Variants in GALNT13 observed in about 807,000 individuals in gnomAD.
GALNT13 encodes the protein UDP-GalNAc:polypeptide N-acetylgalactosaminyltransferase 13.
GALNT13 carries 28 observed loss-of-function variants against 64.2 expected under a neutral mutation model. The observed-to-expected ratio is 0.44, with a 90% CI of 0.32 to 0.60. The LOEUF is 0.60. GALNT13 is among the 20% of genes least tolerant of loss of function. The pLI is 0.05. For missense variants in GALNT13, 577 were observed against 669.8 expected (o/e 0.86, Z 1.53); for synonymous variants, 214 against 224.6 (o/e 0.95, Z 0.42).
intron 8 of GALNT13, among the ~76,000 whole-genome samples, chr2:154,289,100 C>G (rs924118012): frequency 5.3e-5 from 8 of 152,212 alleles, no homozygotes; most frequent in African/African-American, 1.4e-4. Context: ...TCCCAAACCT[C>G]AATTCTGGAC....
chr2:153,331,805 A>T, the GALNT13 span, among the ~76,000 whole-genome samples: 1 of 152,176 alleles, frequency 6.6e-6, no homozygotes, highest in Non-Finnish European at 1.5e-5. Context: ...ATTGACACTC[A>T]GTATTAAACA....
chr2:154,284,869 A>G (rs1052559436), intron 8 of GALNT13, among the ~76,000 whole-genome samples: 2 of 152,120 alleles, frequency 1.3e-5, no homozygotes, highest in African/African-American at 2.4e-5. Context: ...GATTCGGAGA[A>G]TAACTGTGAA....
At chr2:153,564,594 G>GT in the GALNT13 span, among the ~76,000 whole-genome samples, 21,544 of 141,914 alleles carry the variant, frequency 0.15, 2,314 homozygotes, top group African/African-American at 0.31. Context: ...ATGAGGATTA[G>GT]TTTTTTTTTT....
chr2:154,001,700 A>G (rs1695921142), intron 3 of GALNT13, among the ~76,000 whole-genome samples: 1 of 152,058 alleles, frequency 6.6e-6, no homozygotes, highest in African/African-American at 2.4e-5. Flanking sequence ...GTAGTGGTTT[A>G]CAGGCCACAA....
the GALNT13 span, among the ~76,000 whole-genome samples, chr2:153,403,241 G>T: frequency 0.04 from 5,993 of 150,522 alleles, 277 homozygotes; most frequent in South Asian, 0.18. Flanking sequence ...AGGCTGCTCG[G>T]GGGTCAGGGG....
At chr2:153,154,392 G>GT in the GALNT13 span, among the ~76,000 whole-genome samples, 1 of 152,094 alleles carries the variant, frequency 6.6e-6, no homozygotes, top group Non-Finnish European at 1.5e-5. Flanking sequence ...AGTCCATTAA[G>GT]TCTCTTTTTC....
the GALNT13 span, among the ~76,000 whole-genome samples, chr2:153,450,391 A>T: frequency 1.3e-5 from 2 of 152,182 alleles, no homozygotes; most frequent in African/African-American, 4.8e-5. Context: ...TGAATGAAAA[A>T]AAAATGATTG....
the GALNT13 span, among the ~76,000 whole-genome samples, chr2:153,243,776 AT>A: frequency 4.6e-5 from 7 of 151,052 alleles, no homozygotes; most frequent in African/African-American, 1.2e-4. Flanking sequence ...GGATTATTTC[AT>A]TTTTTTTTCA....
At chr2:153,828,888 ACTT>A in the GALNT13 span, among the ~76,000 whole-genome samples, 1 of 152,144 alleles carries the variant, frequency 6.6e-6, no homozygotes, top group Non-Finnish European at 1.5e-5. Context: ...CTGCTCAGAA[ACTT>A]CTTCTGCCAG....
At chr2:154,350,424 A>G (rs546198228) in intron 9 of GALNT13, among the ~76,000 whole-genome samples, 3 of 152,296 alleles carry the variant, frequency 2.0e-5, no homozygotes, top group Non-Finnish European at 2.9e-5. Context: ...TTGGACTCCA[A>G]GTTCTTCAGC....
chr2:153,736,309 G>C, the GALNT13 span, among the ~76,000 whole-genome samples: 1 of 152,026 alleles, frequency 6.6e-6, no homozygotes, highest in Admixed American at 6.6e-5. Context: ...TCATATTTTG[G>C]CCAATGGGAG....
the GALNT13 span, among the ~76,000 whole-genome samples, chr2:153,139,212 G>T: frequency 6.6e-6 from 1 of 152,014 alleles, no homozygotes; most frequent in African/African-American, 2.4e-5. Flanking sequence ...GTTTCACACA[G>T]CACATTCTGT....
chr2:153,722,711 G>A, the GALNT13 span, among the ~76,000 whole-genome samples: 52 of 152,240 alleles, frequency 3.4e-4, no homozygotes, highest in African/African-American at 7.7e-4. Flanking sequence ...TAGAAGAAAC[G>A]GATACATTCC....
chr2:153,757,059 A>G, the GALNT13 span, among the ~76,000 whole-genome samples: 2 of 152,158 alleles, frequency 1.3e-5, no homozygotes, highest in East Asian at 3.8e-4. Flanking sequence ...TGATGCTATA[A>G]TATTTGTATA....
intron 2 of GALNT13, among the ~76,000 whole-genome samples, chr2:153,906,627 T>C (rs1165077338): frequency 6.6e-6 from 1 of 151,968 alleles, no homozygotes; most frequent in African/African-American, 2.4e-5. Flanking sequence ...TGCCACATTT[T>C]CTTAATCCAG....
intron 9 of GALNT13, among the ~76,000 whole-genome samples, chr2:154,318,188 T>G (rs1694425994): frequency 6.6e-6 from 1 of 151,730 alleles, no homozygotes; most frequent in Admixed American, 6.5e-5. Context: ...TCCCTGGCTT[T>G]ATGATAATAA....
chr2:154,297,228 A>G (rs1382683417), intron 8 of GALNT13, among the ~76,000 whole-genome samples: 1 of 152,216 alleles, frequency 6.6e-6, no homozygotes, highest in Non-Finnish European at 1.5e-5. Context: ...ATTTCTCACT[A>G]CAAAACAAAT....
chr2:153,689,070 ATGTGTGTG>A, the GALNT13 span, among the ~76,000 whole-genome samples: 5 of 127,806 alleles, frequency 3.9e-5, no homozygotes, highest in East Asian at 2.3e-4. Flanking sequence ...CCGCGTGTGT[ATGTGTGTG>A]TGTGTGTGTG....
At chr2:153,525,471 C>G in the GALNT13 span, among the ~76,000 whole-genome samples, 1 of 152,172 alleles carries the variant, frequency 6.6e-6, no homozygotes, top group Non-Finnish European at 1.5e-5. Flanking sequence ...TGTACTAGAA[C>G]CAGGCCACGC....
Sources: gnomAD v4.1 joint callset for allele counts (sites outside exome capture counted in the v4.1 genomes callset) on GRCh38, gnomAD v4.1.1 for gene constraint, MANE v1.5 for transcripts, NCBI Gene and HGNC (gene_info 2026-07-23, HGNC 2026-07-21) for gene names.